Variants in KLHL6 observed in about 807,000 individuals in gnomAD.
KLHL6 encodes kelch like family member 6.
KLHL6 carries 41 observed loss-of-function variants against 58.6 expected under a neutral mutation model. The ratio of observed to expected loss-of-function variants is 0.70; its 90% CI spans 0.55 to 0.91. KLHL6 has a LOEUF of 0.91. Ranked by LOEUF, KLHL6 falls within the 40% of genes least tolerant of loss-of-function variation. The probability of loss-of-function intolerance (pLI) is 0.00; values close to 1 mark genes in which losing one functional copy is unlikely to be tolerated. For missense variants in KLHL6, 714 were observed against 805.6 expected (o/e 0.89, Z 1.38); for synonymous variants, 338 against 322.7 (o/e 1.05, Z -0.51).
In KLHL6 at chr3:183,499,335, G is replaced by C. The variant is rs1030533654; in HGVS notation, c.1147+255C>G. Among the ~76,000 whole-genome samples the C allele has an allele frequency of 3.4e-5, 5 of 146,894 alleles. No individual in the cohort carries two copies. The highest frequency in any genetic ancestry group is 1.2e-4 in the African/African-American group (5 of 40,876). ...CACTCCAGCCTGAGCAACAGAGCGA[G>C]ACGCTGTCTCAAAAAAAAAAGAAAA... On this transcript the variant is annotated intron_variant, in intron 4 of 6. Coordinates refer to ENST00000341319, the MANE Select transcript of KLHL6 (RefSeq NM_130446.4). The surrounding 1 kb of genome is among the most constrained non-coding windows in gnomAD (Gnocchi z 4.6).
chr3:183,505,267 C>T (rs759646871), intron 3 of KLHL6, among the ~76,000 whole-genome samples: 1 of 152,202 alleles, frequency 6.6e-6, no homozygotes, highest in African/African-American at 2.4e-5. Flanking sequence ...TTTAGCAGTA[C>T]CTGGGTAAGA....
At chr3:183,534,776 C>A (rs1712303253) in intron 1 of KLHL6, among the ~76,000 whole-genome samples, 1 of 151,888 alleles carries the variant, frequency 6.6e-6, no homozygotes, top group Non-Finnish European at 1.5e-5. Flanking sequence ...CCAAAATATA[C>A]CTGAAATATC....
chr3:183,549,775 T>A (rs964328376), intron 1 of KLHL6, among the ~76,000 whole-genome samples: 3 of 152,170 alleles, frequency 2.0e-5, no homozygotes, highest in Non-Finnish European at 4.4e-5. Flanking sequence ...AAGTATAGCC[T>A]CTAAAATAAA....
At chr3:183,524,006 C>A (rs958331470) in intron 2 of KLHL6, among the ~76,000 whole-genome samples, 1 of 152,144 alleles carries the variant, frequency 6.6e-6, no homozygotes, top group Admixed American at 6.6e-5. Flanking sequence ...GGTGATGCAC[C>A]CGCCTCAGCC....
At chr3:183,498,164 G>A (rs1717767168) in intron 4 of KLHL6, among the ~76,000 whole-genome samples, 1 of 152,106 alleles carries the variant, frequency 6.6e-6, no homozygotes, top group South Asian at 2.1e-4. Context: ...AACCCAGGAG[G>A]CAGAGATTGC....
intron 2 of KLHL6, among the ~76,000 whole-genome samples, chr3:183,513,383 T>C (rs1318015175): frequency 6.6e-6 from 1 of 152,222 alleles, no homozygotes; most frequent in Non-Finnish European, 1.5e-5. Flanking sequence ...CAAAAATGCA[T>C]GTTTTTTATA....
At chr3:183,545,977 A>G (rs1712704383) in intron 1 of KLHL6, among the ~76,000 whole-genome samples, 1 of 152,212 alleles carries the variant, frequency 6.6e-6, no homozygotes, top group Non-Finnish European at 1.5e-5. Context: ...GCGTTCGTTC[A>G]CTTCACGCAT....
chr3:183,494,239 G>A lies in KLHL6; in HGVS notation c.1190C>T (p.Ser397Leu), dbSNP rs746791855. ...TQHDVWKYNS[S>L]INKWIQIEYL... ...CTCAATCTGAATCCACTTGTTGATC[G>A]AAGAATTATATTTCCAAACATCATG... The change falls in exon 5 of 7, where the codon TCG becomes TTG. Residue 397 changes from serine to leucine, a missense_variant. Ser to Leu is a moderately radical substitution (Grantham distance 145). Transcript: ENST00000341319. 9.9e-6 allele frequency: 16 copies of A among 1,613,852 alleles called. No homozygotes were observed. The highest frequency in any genetic ancestry group is 6.7e-5 in the African/African-American group (5 of 74,906).
At position 183,496,488 on chromosome 3, in the gene KLHL6, G is replaced by A. The variant is rs183428314; in HGVS notation, c.1148-2207C>T. The stretch of plus-strand genomic sequence containing the variant: ...CCACTTCCAGGAAACTTTCCAAGTA[G>A]CAGCACAAGTATGAAAAAATATGTG... On this transcript the variant is annotated intron_variant, in intron 4 of 6. Coordinates refer to ENST00000341319, the MANE Select transcript of KLHL6 (RefSeq NM_130446.4). Among the ~76,000 whole-genome samples the A allele has an allele frequency of 1.1e-4, 16 of 152,220 alleles. No individual in the cohort carries two copies. In the East Asian group the frequency reaches 3.1e-3, roughly 29 times the overall value.
chr3:183,535,001 G>A (rs1712317424), intron 1 of KLHL6, among the ~76,000 whole-genome samples: 2 of 149,622 alleles, frequency 1.3e-5, no homozygotes. Flanking sequence ...CTGGAGTGCA[G>A]TGGCACAATA....
chr3:183,511,682 G>A (rs983369535), intron 2 of KLHL6, among the ~76,000 whole-genome samples: 21 of 152,112 alleles, frequency 1.4e-4, no homozygotes, highest in African/African-American at 4.1e-4. Context: ...GACTTTTACC[G>A]AGCATACTGC....
chr3:183,510,429 G>A (rs6780951), intron 2 of KLHL6, among the ~76,000 whole-genome samples: 13,606 of 151,954 alleles, frequency 0.09, 835 homozygotes, highest in African/African-American at 0.17. Context: ...TTGATAGTGG[G>A]GCAGGACTGG....
intron 2 of KLHL6, chr3:183,520,840 G>A (rs1711732541): frequency 6.6e-6 from 1 of 151,826 alleles, no homozygotes; most frequent in Non-Finnish European, 1.5e-5. Flanking sequence ...CCAGGGACGA[G>A]CAGAAGACAG....
chr3:183,536,472 G>T (rs938371227), intron 1 of KLHL6, among the ~76,000 whole-genome samples: 1 of 152,234 alleles, frequency 6.6e-6, no homozygotes, highest in Non-Finnish European at 1.5e-5. Context: ...GGGAAAAAGA[G>T]CAGCCACCTG....
intron 1 of KLHL6, among the ~76,000 whole-genome samples, chr3:183,536,209 G>T (rs866240120): frequency 2.0e-5 from 3 of 152,206 alleles, no homozygotes; most frequent in Admixed American, 6.5e-5. Context: ...GCAAGACAAG[G>T]GGGGGAGGAA....
At chr3:183,547,317 G>A (rs902534912) in intron 1 of KLHL6, among the ~76,000 whole-genome samples, 7 of 152,170 alleles carry the variant, frequency 4.6e-5, no homozygotes, top group Non-Finnish European at 1.0e-4. Context: ...TAACATTTAA[G>A]ATATGCTAAT....
In KLHL6 at chr3:183,499,703, C is replaced by T. The variant is rs1717817688; in HGVS notation, c.1034G>A (p.Arg345His). ...GAGCTTGGCCACCTCCAGGCGGCTG[C>T]GCCTCAGGGGGTCCAGGCAGGTCAC... Reference protein sequence around the residue: ...AEVTCLDPLRRSRLEVAKLPL... With the variant: ...AEVTCLDPLRHSRLEVAKLPL... Residue 345 changes from arginine (R) to histidine (H), a missense_variant, in exon 4 of 7, where the codon CGC (arginine) becomes CAC (histidine). By Grantham distance (29) the Arg-to-His change is conservative. This residue lies in a region of KLHL6 where 510 missense variants were observed against 629.7 expected (regional missense o/e 0.81). Transcript: ENST00000341319. This position sits in a 1 kb window ranked among gnomAD's most constrained non-coding sequence, Gnocchi z 4.6. 2.5e-6 allele frequency: 4 copies of T among 1,610,536 alleles called. No homozygotes were observed. Among genetic ancestry groups the T allele is most frequent in the Non-Finnish European group, 3.4e-6 (4 of 1,178,584 alleles).
At chr3:183,495,540 T>C (rs142671875) in intron 4 of KLHL6, among the ~76,000 whole-genome samples, 582 of 151,012 alleles carry the variant, frequency 3.9e-3, no homozygotes, top group Admixed American at 6.3e-3. Flanking sequence ...CAAAGAAATG[T>C]ATGCAACCTT....
chr3:183,544,749 AACACACACACACACACACACACAC>A (rs36060782), intron 1 of KLHL6: 5 of 114,714 alleles, frequency 4.4e-5, no homozygotes, highest in East Asian at 5.1e-4. Context: ...CTGTCTCTCA[AACACACACACACACACACACACAC>A]ACACACACAC....
Sources: allele counts gnomAD v4.1 joint callset (sites outside exome capture counted in the v4.1 genomes callset), GRCh38; gene constraint gnomAD v4.1.1; regional missense constraint gnomAD v4.1.1; non-coding constraint Gnocchi (gnomAD v3.1); transcripts MANE v1.5; gene names NCBI Gene and HGNC (gene_info 2026-07-23, HGNC 2026-07-21).